Variants in ZNF57 observed in about 807,000 individuals in gnomAD.
The protein encoded by ZNF57 is zinc finger protein 424.
In ZNF57, 11 loss-of-function variants were observed where a neutral mutation model predicts 13.4. That is an observed-to-expected ratio of 0.82 (90% CI 0.52 to 1.36). The LOEUF is 1.36. ZNF57 is among the 40% of genes most tolerant of loss of function. The pLI, the probability that ZNF57 is intolerant of heterozygous loss-of-function variation, is 0.00. For synonymous variants in ZNF57, 224 were observed against 238.5 expected, an observed-to-expected ratio of 0.94 and a Z score of 0.56; for missense variants, 696 against 667.5, an observed-to-expected ratio of 1.04 and a Z score of -0.47.
intron 1 of ZNF57, among the ~76,000 whole-genome samples, chr19:2,905,764 C>CAA (rs35657642): frequency 0.59 from 71,031 of 120,124 alleles, 20,594 homozygotes; most frequent in Admixed American, 0.63. Flanking sequence ...GACTCTGTCT[C>CAA]AAAAAAAAAA....
intron 1 of ZNF57, chr19:2,915,194 A>G (rs1379264583): frequency 1.0e-5 from 2 of 196,010 alleles, no homozygotes; most frequent in Non-Finnish European, 2.1e-5. Context: ...GTCCTATGAA[A>G]TGTGCATCGT....
rs1046100895 is a variant in ZNF57 at position 2,908,463 on chromosome 19, T to TG, written c.4-7059_4-7058insG. Among the ~76,000 whole-genome samples the TG allele has an allele frequency of 8.2e-5, 12 of 145,956 alleles. No individual in the cohort carries two copies. The South Asian group carries it at 1.1e-3, about 13-fold the overall frequency. On this transcript the variant is annotated intron_variant, in intron 1 of 3. Transcript: ENST00000306908. The stretch of plus-strand genomic sequence containing the variant: ...TCATTGTTGTTGTTATTTTTTTGGT[T>TG]TTTTTTTTTTTTTTTGAGACGGAGT...
At chr19:2,912,636 A>G (rs574726950) in intron 1 of ZNF57, among the ~76,000 whole-genome samples, 4 of 152,338 alleles carry the variant, frequency 2.6e-5, no homozygotes, top group Non-Finnish European at 5.9e-5. Flanking sequence ...CAGTTTGTTC[A>G]GCTTTTTGTT....
intron 1 of ZNF57, among the ~76,000 whole-genome samples, chr19:2,914,530 C>T (rs1183362357): frequency 6.6e-6 from 1 of 152,234 alleles, no homozygotes; most frequent in Non-Finnish European, 1.5e-5. Flanking sequence ...GCTGGGATTA[C>T]AGGCGTGAGC....
chr19:2,914,938 G>C (rs79244979), intron 1 of ZNF57, among the ~76,000 whole-genome samples: 3,816 of 152,230 alleles, frequency 0.025, 79 homozygotes, highest in Middle Eastern at 0.1. Context: ...ACATCCAACA[G>C]TGCTTTCCAA....
chr19:2,917,031 A>G lies in ZNF57; in HGVS notation c.410A>G (p.Glu137Gly). The change falls in exon 4 of 4, where the codon GAA becomes GGA. Residue 137 changes from glutamate to glycine, a missense_variant. By Grantham distance (98) the Glu-to-Gly change is moderately conservative. Around this residue, in one of 3 missense-constraint regions of ZNF57, gnomAD observed 645 missense variants for 591.5 expected, o/e 1.09. Coordinates refer to ENST00000306908, the MANE Select transcript of ZNF57 (RefSeq NM_173480.3). ...LTLHKKVSAG[E>G]KPYECTKCRT... ...CTGCACAAGAAAGTTTCTGCTGGAG[A>G]AAAACCATATGAATGCACCAAGTGC... 3 of 1,614,192 alleles carry G rather than the reference A, an allele frequency of 1.9e-6. No homozygotes were observed. The highest frequency in any genetic ancestry group is 8.5e-7 in the Non-Finnish European group (1 of 1,180,034).
At chr19:2,901,582 G>T (rs571300672) in intron 1 of ZNF57, among the ~76,000 whole-genome samples, 1 of 152,010 alleles carries the variant, frequency 6.6e-6, no homozygotes, top group African/African-American at 2.4e-5. Context: ...GTGCAGTGGC[G>T]TGATCTCGGC....
At chr19:2,916,726 T>G in intron 3 of ZNF57, 198 bp from the exon 4 acceptor site, 1 of 434,598 alleles carries the variant, frequency 2.3e-6, no homozygotes, top group Non-Finnish European at 3.9e-6. Context: ...AAAAAATAAA[T>G]AAATAAAAAG....
intron 1 of ZNF57, among the ~76,000 whole-genome samples, chr19:2,905,530 G>A (rs12975733): frequency 0.37 from 55,661 of 149,554 alleles, 10,629 homozygotes; most frequent in Non-Finnish European, 0.43. Context: ...CTCTACCGGC[G>A]GAGGCGGGCG....
At chr19:2,916,439 G>A (rs751034679) in intron 3 of ZNF57, 190 bp downstream of exon 3, 7 of 537,372 alleles carry the variant, frequency 1.3e-5, no homozygotes, top group Middle Eastern at 5.2e-4. Flanking sequence ...GGGGCCGGGC[G>A]CGATGGCTCA....
At chr19:2,915,346 G>C (rs2088180785) in intron 1 of ZNF57, 176 bp from the exon 2 acceptor site, 3 of 750,684 alleles carry the variant, frequency 4.0e-6, no homozygotes, top group Non-Finnish European at 6.3e-6. Context: ...CAGACTGATA[G>C]TGGTGCCATG....
chr19:2,910,712 G>A (rs2088124711), intron 1 of ZNF57, among the ~76,000 whole-genome samples: 1 of 114,556 alleles, frequency 8.7e-6, no homozygotes, highest in Non-Finnish European at 1.9e-5. Flanking sequence ...TGCCCGCCTC[G>A]GCCTCCCGAA....
At chr19:2,911,794 A>G (rs367951675) in intron 1 of ZNF57, among the ~76,000 whole-genome samples, 1 of 152,026 alleles carries the variant, frequency 6.6e-6, no homozygotes, top group Non-Finnish European at 1.5e-5. Context: ...GTGCTTTTCA[A>G]ATCTCTCCCA....
rs751327239 is a variant in ZNF57, at chr19:2,917,917, C to T, written c.1296C>T (p.Ser432=). Residue 432 remains serine, a synonymous_variant, in exon 4 of 4, where the codon TCC becomes TCT. Coordinates refer to ENST00000306908, the MANE Select transcript of ZNF57 (RefSeq NM_173480.3). ...AATGTGGAAAAACCTTCACTTGGTC[C>T]TCAACGTTTAGAGAACATGTGAGAA... ...CKQCGKTFTW[S]STFREHVRIH... is the part of the protein sequence containing the mutation. The T allele has an allele frequency of 6.2e-7, 1 of 1,613,766 alleles. No homozygotes were observed. Among genetic ancestry groups the T allele is most frequent in the Non-Finnish European group, 8.5e-7 (1 of 1,179,964 alleles).
rs746150840 is a variant in ZNF57, at chr19:2,916,300, C to T, written c.302+51C>T. On this transcript the variant is annotated intron_variant, in intron 3 of 3. Transcript: ENST00000306908. Reference sequence around the variant, plus strand: ...TCCTTGTATGCAATTAAATATATATCTAAGTATTGCTCCAAATATAAGCAT... The same window carrying T: ...TCCTTGTATGCAATTAAATATATATTTAAGTATTGCTCCAAATATAAGCAT... The T allele has an allele frequency of 1.8e-5, 26 of 1,451,892 alleles. 1 individual carries two copies. In the South Asian group the frequency reaches 3.6e-4, roughly 20 times the overall value. The allele number at this position is 1,451,892 out of a possible 1,614,324, so 89.9% of individuals were successfully genotyped here.
intron 1 of ZNF57, among the ~76,000 whole-genome samples, chr19:2,911,694 TTCATTACA>T (rs1456233184): frequency 2.0e-3 from 301 of 152,300 alleles, no homozygotes; most frequent in African/African-American, 7.0e-3. Flanking sequence ...CCTAGAAGTT[TTCATTACA>T]TGTCTTCAGG....
chr19:2,916,177 A>G lies in ZNF57; in HGVS notation c.230A>G (p.Asn77Ser). ...CAGACAATACCAAACTTCACAGGAA[A>G]TAATTCCTGTGCCTACACTTTAGAA... Reference protein sequence around the residue: ...KEQTIPNFTGNNSCAYTLEKN... With the variant: ...KEQTIPNFTGSNSCAYTLEKN... Residue 77 changes from asparagine to serine, a missense_variant, in exon 3 of 4, where the codon AAT (asparagine) becomes AGT (serine). Coordinates refer to ENST00000306908, the MANE Select transcript of ZNF57 (RefSeq NM_173480.3). 1 of 1,614,010 alleles carries G rather than the reference A, an allele frequency of 6.2e-7. No homozygotes were observed. The highest frequency in any genetic ancestry group is 8.5e-7 in the Non-Finnish European group (1 of 1,179,918).
At chr19:2,916,820 G>A (rs935107595) in intron 3 of ZNF57, 104 bp from the exon 4 acceptor site, 30 of 993,418 alleles carry the variant, frequency 3.0e-5, no homozygotes, top group Non-Finnish European at 3.6e-5. Context: ...AAAACTTCAC[G>A]TATACTGAAA....
chr19:2,904,611 G>C (rs751068453), intron 1 of ZNF57, among the ~76,000 whole-genome samples: 1 of 151,956 alleles, frequency 6.6e-6, no homozygotes, highest in Non-Finnish European at 1.5e-5. Flanking sequence ...GCACCATCTC[G>C]GCTCACTGCA....
Sources: gnomAD v4.1 joint callset for allele counts (sites outside exome capture counted in the v4.1 genomes callset) on GRCh38, gnomAD v4.1.1 for gene constraint, gnomAD v4.1.1 regional missense constraint, MANE v1.5 for transcripts, NCBI Gene and HGNC (gene_info 2026-07-23, HGNC 2026-07-21) for gene names.